Variants in APH1B observed in about 807,000 individuals in gnomAD.
The protein encoded by APH1B is aph-1B gamma-secretase subunit.
In APH1B, 27 loss-of-function variants were observed where a neutral mutation model predicts 28.2. That is an observed-to-expected ratio of 0.96 (90% CI 0.70 to 1.32). The LOEUF (loss-of-function observed/expected upper bound fraction) is 1.32. Ranked by LOEUF, APH1B falls within the 40% of genes most tolerant of loss-of-function variation. APH1B has a pLI of 0.00. For synonymous variants in APH1B, 141 were observed against 124.6 expected, an observed-to-expected ratio of 1.13 and a Z score of -0.88; for missense variants, 305 against 313.6, an observed-to-expected ratio of 0.97 and a Z score of 0.21.
At chr15:63,278,062 T>C in intron 1 of APH1B, 1 of 391,112 alleles carries the variant, frequency 2.6e-6, no homozygotes, top group South Asian at 2.3e-5. Flanking sequence ...CTAATTTCCC[T>C]CAGATTCTCA....
At chr15:63,277,897 C>T in intron 1 of APH1B, 161 bp downstream of exon 1, 1 of 706,106 alleles carries the variant, frequency 1.4e-6, no homozygotes, top group Non-Finnish European at 2.3e-6. Flanking sequence ...CCCAAAGGCG[C>T]CTCGCCCTCT....
intron 4 of APH1B, among the ~76,000 whole-genome samples, chr15:63,297,112 C>T (rs192781493): frequency 1.1e-4 from 17 of 152,312 alleles, no homozygotes; most frequent in East Asian, 9.6e-4. Flanking sequence ...AGAATTATTC[C>T]GCTTTCTGAT....
At position 63,277,690 on chromosome 15, in the gene APH1B, T is replaced by G. The variant is rs1488308658; in HGVS notation, c.67T>G (p.Phe23Val). The G allele has an allele frequency of 6.2e-7, 1 of 1,611,596 alleles. No individual in the cohort carries two copies. Residue 23 changes from phenylalanine (F) to valine (V), a missense_variant, in exon 1 of 6, where the codon TTC becomes GTC. By Grantham distance (50) the Phe-to-Val change is conservative (BLOSUM62 -1). Coordinates refer to ENST00000261879, the MANE Select transcript of APH1B (RefSeq NM_031301.4). ...AFGPALALYV[F>V]TIATEPLRII... Reference sequence around the variant, plus strand: ...CGGGCCTGCGCTCGCCCTTTATGTCTTCACCATCGCCACCGAGCCGTTGCG... The same window carrying G: ...CGGGCCTGCGCTCGCCCTTTATGTCGTCACCATCGCCACCGAGCCGTTGCG...
At chr15:63,284,686 GA>G (rs923876320) in intron 2 of APH1B, among the ~76,000 whole-genome samples, 7 of 152,106 alleles carry the variant, frequency 4.6e-5, no homozygotes, top group African/African-American at 1.7e-4. Flanking sequence ...GTCCATTGTT[GA>G]CTGAAATGTT....
chr15:63,293,262 T>G (rs1422305600), intron 4 of APH1B, among the ~76,000 whole-genome samples: 1 of 151,326 alleles, frequency 6.6e-6, no homozygotes, highest in Non-Finnish European at 1.5e-5. Context: ...CCTCTCGGGT[T>G]CATGCCATTC....
intron 2 of APH1B, among the ~76,000 whole-genome samples, chr15:63,280,274 C>G (rs570276822): frequency 5.9e-5 from 9 of 152,294 alleles, no homozygotes; most frequent in African/African-American, 1.9e-4. Flanking sequence ...CTAGGACTCA[C>G]GAGGACCTCA....
In APH1B at chr15:63,278,036, T is replaced by C. The variant is rs185893393; in HGVS notation, c.113+300T>C. On this transcript the variant is annotated intron_variant, in intron 1 of 5. Coordinates refer to ENST00000261879, the MANE Select transcript of APH1B (RefSeq NM_031301.4). ...AAGTTCATATATGCATCCTTCATTT[T>C]CTGGAGGGGGAGTCCCTAATTTCCC... 3.7e-4 allele frequency: 160 copies of C among 431,048 alleles called. 2 individuals are homozygous for C. In the East Asian group the frequency reaches 6.4e-3, roughly 17 times the overall value. 26.7% of individuals were successfully genotyped at this position (431,048 alleles called of 1,614,324 possible).
At chr15:63,279,622 A>G (rs377059653) in intron 2 of APH1B, among the ~76,000 whole-genome samples, 1 of 152,192 alleles carries the variant, frequency 6.6e-6, no homozygotes, top group African/African-American at 2.4e-5. Flanking sequence ...CTCTGGCTTC[A>G]TGGAGCTTAT....
At chr15:63,303,644 C>T (rs1217753043) in intron 5 of APH1B, among the ~76,000 whole-genome samples, 2 of 152,076 alleles carry the variant, frequency 1.3e-5, no homozygotes, top group Non-Finnish European at 2.9e-5. Context: ...TATGGGCATG[C>T]GCCGTCATGC....
chr15:63,302,516 T>C, intron 5 of APH1B, 44 bp downstream of exon 5: 1 of 1,587,052 alleles, frequency 6.3e-7, no homozygotes, highest in South Asian at 1.1e-5. Flanking sequence ...GGAACTCAAG[T>C]CTATGTATCT....
chr15:63,302,266 G>T, intron 4 of APH1B, 79 bp from the exon 5 acceptor site: 2 of 1,524,404 alleles, frequency 1.3e-6, no homozygotes, highest in South Asian at 1.3e-5. Flanking sequence ...TGGACACCCC[G>T]AGAGCCCGTG....
At chr15:63,290,358 G>A (rs182222575) in intron 4 of APH1B, among the ~76,000 whole-genome samples, 2 of 152,190 alleles carry the variant, frequency 1.3e-5, no homozygotes, top group African/African-American at 2.4e-5. Flanking sequence ...AGAGACAAAA[G>A]TATGGGAATT....
At position 63,304,254 on chromosome 15, in the gene APH1B, T is replaced by G. The variant is rs1156958424; in HGVS notation, c.607-1360T>G. Among the ~76,000 whole-genome samples, 1 of 152,140 alleles carries G rather than the reference T, an allele frequency of 6.6e-6. No homozygotes were observed. The highest frequency in any genetic ancestry group is 1.5e-5 in the Non-Finnish European group (1 of 68,006). On this transcript the variant is annotated intron_variant, in intron 5 of 5. Coordinates refer to ENST00000261879, the MANE Select transcript of APH1B (RefSeq NM_031301.4). This position sits in a 1 kb window ranked among gnomAD's most constrained non-coding sequence, Gnocchi z 5.1. ...GTTGAAGCCAGCGTCATGGTCACCC[T>G]CAGTGGGGGCAGGGACTGGTGGAAC... is the stretch of plus-strand genomic sequence containing the variant.
rs777058419 is a variant in APH1B, at chr15:63,305,771, G to A, written c.764G>A (p.Arg255His). 18 of 1,613,700 alleles carry A rather than the reference G, an allele frequency of 1.1e-5. No individual in the cohort carries two copies. The highest frequency in any genetic ancestry group is 3.3e-5 in the Admixed American group (2 of 59,898). The change falls in exon 6 of 6, where the codon CGC becomes CAC. Residue 255 changes from arginine (R) to histidine (H), a missense_variant. Physicochemically the swap from Arg to His is conservative, Grantham distance 29 (BLOSUM62 0). Coordinates refer to ENST00000261879, the MANE Select transcript of APH1B (RefSeq NM_031301.4). The part of the protein sequence containing the change: ...QDKNFLLYNQ[R>H]SR ...AAGAACTTTCTTCTTTACAACCAGC[G>A]CTCCAGATAACCTCAGGGAACCAGC... is the stretch of plus-strand genomic sequence containing the variant.
At chr15:63,291,644 A>T (rs2038507839) in intron 4 of APH1B, 1 of 152,240 alleles carries the variant, frequency 6.6e-6, no homozygotes, top group Non-Finnish European at 1.5e-5. Context: ...AGAAAATAAA[A>T]GAGGAATGTG....
intron 2 of APH1B, 46 bp from the exon 3 acceptor site, chr15:63,286,512 T>C: frequency 1.3e-6 from 1 of 757,618 alleles, no homozygotes; most frequent in Non-Finnish European, 1.7e-6. Flanking sequence ...TGCTCTTCCT[T>C]TTTTTTTTTT....
chr15:63,289,164 C>T (rs372118779), intron 4 of APH1B, among the ~76,000 whole-genome samples: 1 of 152,096 alleles, frequency 6.6e-6, no homozygotes, highest in African/African-American at 2.4e-5. Context: ...GGCAGACTGG[C>T]TATGTTATAA....
rs140179603 is a variant in APH1B, at chr15:63,302,332, G to A, written c.479-13G>A. ...ACCTGTAGGAGTGACACTAATGGTC[G>A]GCTCTCTTTCAGCTTTCATGACGCT... On this transcript the variant is annotated splice_polypyrimidine_tract_variant and intron_variant, in intron 4 of 5. Transcript: ENST00000261879. 3.1e-4 allele frequency: 505 copies of A among 1,613,004 alleles called. 1 individual carries two copies. The highest frequency in any genetic ancestry group is 1.4e-3 in the Middle Eastern group (8 of 5,922).
At chr15:63,285,425 T>C (rs34195340) in intron 2 of APH1B, among the ~76,000 whole-genome samples, 9,938 of 152,324 alleles carry the variant, frequency 0.065, 446 homozygotes, top group Middle Eastern at 0.16. Context: ...TTAATAAATA[T>C]ACTTTATAGT....
Sources: allele counts gnomAD v4.1 joint callset (sites outside exome capture counted in the v4.1 genomes callset), GRCh38; gene constraint gnomAD v4.1.1; non-coding constraint Gnocchi (gnomAD v3.1); transcripts MANE v1.5; gene names NCBI Gene and HGNC (gene_info 2026-07-23, HGNC 2026-07-21).